LARGE1: variants seen among roughly 807,000 people sequenced by gnomAD.
LARGE1 encodes the protein xylosyl- and glucuronyltransferase LARGE1.
A neutral mutation model predicts 87.6 loss-of-function variants in LARGE1; 43 were observed. That is an observed-to-expected ratio of 0.49 (90% confidence interval 0.38 to 0.63). LARGE1 has a LOEUF of 0.63. Ranked by LOEUF, LARGE1 falls within the 30% of genes least tolerant of loss-of-function variation. The pLI is 0.00. For synonymous variants in LARGE1, 434 were observed against 394.6 expected (o/e 1.10, Z -1.18); for missense variants, 802 against 1,000.2 (o/e 0.80, Z 2.67).
intron 1 of LARGE1, among the ~76,000 whole-genome samples, chr22:33,801,937 T>C (rs2146085195): frequency 6.6e-6 from 1 of 152,240 alleles, no homozygotes; most frequent in African/African-American, 2.4e-5. Flanking sequence ...ACCCCTAGTG[T>C]TTGCTGTTAC....
intron 10 of LARGE1, among the ~76,000 whole-genome samples, chr22:33,333,145 T>C (rs1937959377): frequency 6.6e-6 from 1 of 152,016 alleles, no homozygotes; most frequent in African/African-American, 2.4e-5. Flanking sequence ...TAGCTGGGAC[T>C]ACAGGCGCCC....
chr22:33,448,920 G>A (rs942779612), intron 6 of LARGE1, among the ~76,000 whole-genome samples: 3 of 152,062 alleles, frequency 2.0e-5, no homozygotes, highest in African/African-American at 7.2e-5. Context: ...CCACACACCC[G>A]CTCCAGGCAA....
chr22:33,853,918 G>A (rs905966061), intron 1 of LARGE1, among the ~76,000 whole-genome samples: 12 of 152,060 alleles, frequency 7.9e-5, no homozygotes, highest in Non-Finnish European at 1.8e-4. Flanking sequence ...GTTCAGCTGT[G>A]GACAAGAGGA....
At chr22:33,203,541 CACAGCTGT>C (rs1292250943) in intron 11 of LARGE1, among the ~76,000 whole-genome samples, 1 of 152,086 alleles carries the variant, frequency 6.6e-6, no homozygotes, top group Non-Finnish European at 1.5e-5. Flanking sequence ...TGAAGGCTTC[CACAGCTGT>C]CAGTGTTTTC....
intron 7 of LARGE1, among the ~76,000 whole-genome samples, chr22:33,430,736 C>T (rs544310933): frequency 5.4e-4 from 82 of 152,312 alleles, no homozygotes; most frequent in African/African-American, 1.9e-3. Context: ...CTTTCCTTGT[C>T]CTCCTCTAGC....
chr22:33,887,260 C>T (rs188828890), intron 1 of LARGE1, among the ~76,000 whole-genome samples: 1 of 152,250 alleles, frequency 6.6e-6, no homozygotes, highest in African/African-American at 2.4e-5. Context: ...AGGTGGAGCC[C>T]TCGAGAATAG....
rs1248863442 is a variant in LARGE1 at position 33,304,269 on chromosome 22, T to C, written c.1690A>G (p.Ile564Val). 1.2e-6 allele frequency: 2 copies of C among 1,614,254 alleles called. No homozygotes were observed. Among genetic ancestry groups the C allele is most frequent in the East Asian group, 4.5e-5 (2 of 44,878 alleles). The change falls in exon 12 of 15, where the codon ATT becomes GTT. Residue 564 changes from isoleucine (I) to valine (V), a missense_variant. By Grantham distance (29) the Ile-to-Val change is conservative (BLOSUM62 3). Coordinates refer to ENST00000397394, the MANE Select transcript of LARGE1 (RefSeq NM_133642.5). Reference protein sequence around the residue: ...ISTPYMFLSDIDFLPMYGLYE... With the variant: ...ISTPYMFLSDVDFLPMYGLYE... Reference sequence around the variant, plus strand: ...AGCCCATACATGGGCAGGAAGTCAATGTCAGACAGGAACATGTAGGGAGTG... The same window carrying C: ...AGCCCATACATGGGCAGGAAGTCAACGTCAGACAGGAACATGTAGGGAGTG...
the LARGE1 span, among the ~76,000 whole-genome samples, chr22:33,074,662 G>A: frequency 6.6e-6 from 1 of 152,082 alleles, no homozygotes; most frequent in Non-Finnish European, 1.5e-5. Flanking sequence ...GCGACAGAGT[G>A]AGACTCCATC....
chr22:33,364,001 T>G (rs1163613634), intron 9 of LARGE1, among the ~76,000 whole-genome samples: 1 of 149,622 alleles, frequency 6.7e-6, no homozygotes, highest in Non-Finnish European at 1.5e-5. Flanking sequence ...GAACACCGTC[T>G]GTCCCACCAG....
chr22:33,163,707 T>G (rs749969232), exon 12 of LARGE1: 3 of 152,208 alleles, frequency 2.0e-5, no homozygotes, highest in African/African-American at 7.2e-5. Flanking sequence ...GGAGAGAGAG[T>G]GCATAGCTCT....
intron 1 of LARGE1, among the ~76,000 whole-genome samples, chr22:33,767,462 T>C (rs2084942299): frequency 6.7e-6 from 1 of 148,490 alleles, no homozygotes; most frequent in Admixed American, 6.8e-5. Flanking sequence ...AGCTTTAATA[T>C]ATATACATAT....
intron 13 of LARGE1, among the ~76,000 whole-genome samples, chr22:33,277,775 G>T (rs913758271): frequency 1.3e-5 from 2 of 152,176 alleles, no homozygotes; most frequent in African/African-American, 4.8e-5. Context: ...TTTTGCTGCA[G>T]CAGCTGCAGG....
intron 1 of LARGE1, among the ~76,000 whole-genome samples, chr22:33,903,010 T>G (rs778778381): frequency 3.7e-4 from 57 of 152,126 alleles, no homozygotes; most frequent in Non-Finnish European, 7.3e-4. Flanking sequence ...CGAGTGCCTG[T>G]AATCCCAGCT....
At chr22:33,439,358 T>C (rs939000419) in intron 6 of LARGE1, among the ~76,000 whole-genome samples, 2 of 152,148 alleles carry the variant, frequency 1.3e-5, no homozygotes, top group Admixed American at 6.5e-5. Flanking sequence ...TTTAGGTGCA[T>C]AGACTGGACT....
intron 6 of LARGE1, among the ~76,000 whole-genome samples, chr22:33,496,781 T>C (rs1005219455): frequency 1.3e-5 from 2 of 152,204 alleles, no homozygotes; most frequent in Non-Finnish European, 2.9e-5. Context: ...ACCTCTTTTA[T>C]CCCACTTCTG....
At chr22:33,826,111 G>A (rs773572225) in intron 1 of LARGE1, among the ~76,000 whole-genome samples, 28 of 152,010 alleles carry the variant, frequency 1.8e-4, no homozygotes, top group Non-Finnish European at 3.7e-4. Flanking sequence ...CACAAACGGT[G>A]GCTTAAAACA....
At chr22:33,481,457 G>C (rs2069324170) in intron 6 of LARGE1, among the ~76,000 whole-genome samples, 1 of 152,064 alleles carries the variant, frequency 6.6e-6, no homozygotes, top group East Asian at 1.9e-4. Flanking sequence ...ACTGATCCAT[G>C]ATTTTTAATC....
chr22:33,089,058 C>G, the LARGE1 span, among the ~76,000 whole-genome samples: 1 of 152,300 alleles, frequency 6.6e-6, no homozygotes, highest in Middle Eastern at 3.4e-3. Flanking sequence ...ACGAGTTCCT[C>G]TGGGTTCCAA....
At chr22:33,421,521 A>G (rs949872751) in intron 7 of LARGE1, among the ~76,000 whole-genome samples, 4 of 152,216 alleles carry the variant, frequency 2.6e-5, no homozygotes, top group African/African-American at 9.6e-5. Flanking sequence ...AGGTTGACCA[A>G]TAAGGCAAGA....
Sources: allele counts gnomAD v4.1 joint callset (sites outside exome capture counted in the v4.1 genomes callset), GRCh38; gene constraint gnomAD v4.1.1; transcripts MANE v1.5; gene names NCBI Gene and HGNC (gene_info 2026-07-23, HGNC 2026-07-21).